Variants in TSC2 observed in about 807,000 individuals in gnomAD.
TSC2 encodes the protein TSC complex subunit 2.
In TSC2, 29 loss-of-function variants were observed where a neutral mutation model predicts 202.2. That is an observed-to-expected ratio of 0.14 (90% CI 0.11 to 0.20). TSC2 has a LOEUF of 0.20. TSC2 is among the 10% of genes least tolerant of loss of function. The pLI is 1.00. For synonymous variants in TSC2, 1,349 were observed against 1,044.0 expected (o/e 1.29, Z -5.63); for missense variants, 2,429 against 2,420.0 (o/e 1.00, Z -0.08).
intron 2 of TSC2, 107 bp downstream of exon 2, chr16:2,048,860 C>A: frequency 6.7e-7 from 1 of 1,495,998 alleles, no homozygotes; most frequent in Non-Finnish European, 9.3e-7. Flanking sequence ...CAACTGTCTA[C>A]ACAGGAATGC....
chr16:2,087,249 A>AC, intron 38 of TSC2: 1 of 365,404 alleles, frequency 2.7e-6, no homozygotes, highest in South Asian at 2.2e-5. Flanking sequence ...AACCAGCGTC[A>AC]CCCTCTTCCT....
intron 10 of TSC2, among the ~76,000 whole-genome samples, chr16:2,059,597 G>A (rs909442777): frequency 4.8e-5 from 7 of 146,746 alleles, no homozygotes; most frequent in African/African-American, 1.5e-4. Context: ...TTGGCTCAGC[G>A]CAACCTCCGC....
rs772343248 is a variant in TSC2 at position 2,055,683 on chromosome 16, G to C, written c.599+164G>C. 5.8e-6 allele frequency: 4 copies of C among 692,862 alleles called. No individual in the cohort carries two copies. In the East Asian group the frequency reaches 1.1e-4, roughly 20 times the overall value. The allele number at this position is 692,862 out of a possible 1,614,324, so 42.9% of individuals were successfully genotyped here. ...CGAGGCAGGCGGATCACGAGGTCAG[G>C]AGTTCGAGACCAGCCTGGCCAACAT... On this transcript the variant is annotated intron_variant, in intron 6 of 41. Coordinates refer to ENST00000219476, the MANE Select transcript of TSC2 (RefSeq NM_000548.5).
intron 16 of TSC2, among the ~76,000 whole-genome samples, chr16:2,067,157 T>C (rs2151230179): frequency 6.6e-6 from 1 of 151,986 alleles, no homozygotes; most frequent in South Asian, 2.1e-4. Flanking sequence ...GTGATGATTT[T>C]TTTTTTTAAT....
At chr16:2,054,463 G>A (rs558088532) in intron 5 of TSC2, 23 bp downstream of exon 5, 2 of 1,613,994 alleles carry the variant, frequency 1.2e-6, no homozygotes, top group Admixed American at 3.3e-5. Context: ...TTGGGTTGGA[G>A]GTTTCTCTGG....
Position 2,079,716 on chromosome 16 carries a change from C to G in TSC2, c.3397+47C>G. Reference sequence around the variant, plus strand: ...CTCCACACAGGCACCGGGGCTCCCTCAGTTGCTGCTGGTCCCAGTGTTCAG... The same window carrying G: ...CTCCACACAGGCACCGGGGCTCCCTGAGTTGCTGCTGGTCCCAGTGTTCAG... On this transcript the variant is annotated intron_variant, in intron 29 of 41. Transcript: ENST00000219476. This position sits in a 1 kb window ranked among gnomAD's most constrained non-coding sequence, Gnocchi z 4.6. The G allele has an allele frequency of 6.5e-7, 1 of 1,530,102 alleles. No individual in the cohort carries two copies. The highest frequency in any genetic ancestry group is 8.8e-7 in the Non-Finnish European group (1 of 1,134,642). The allele number at this position is 1,530,102 out of a possible 1,614,324, so 94.8% of individuals were successfully genotyped here.
rs750003833 is a variant in TSC2 at position 2,079,038 on chromosome 16, A to C, written c.2973A>C (p.Ile991=). The change falls in exon 27 of 42, where the codon ATA becomes ATC. Residue 991 remains isoleucine (I), a synonymous_variant. Transcript: ENST00000219476. The surrounding 1 kb of genome is among the most constrained non-coding windows in gnomAD (Gnocchi z 4.6). ...SVSEHVVRSR[I]QTSLTSASLG... ...TCACGGCCTCTCCCTCCAGCAGGAT[A>C]CAGACGTCCCTCACCAGTGCCAGCT... 10 of 1,612,738 alleles carry C rather than the reference A, an allele frequency of 6.2e-6. No homozygotes were observed. The highest frequency in any genetic ancestry group is 7.6e-6 in the Non-Finnish European group (9 of 1,179,994).
At position 2,076,601 on chromosome 16, in the gene TSC2, G is replaced by T. The variant is rs397515095; in HGVS notation, c.2837+16G>T. 3 of 1,612,508 alleles carry T rather than the reference G, an allele frequency of 1.9e-6. No individual in the cohort carries two copies. The highest frequency in any genetic ancestry group is 2.5e-6 in the Non-Finnish European group (3 of 1,179,614). On this transcript the variant is annotated intron_variant, in intron 25 of 41. Coordinates refer to ENST00000219476, the MANE Select transcript of TSC2 (RefSeq NM_000548.5). Reference sequence around the variant, plus strand: ...GACCCAAGAGGTACGGCCTGCGGGGGTGTGCCTGGAGTCGGTGTGGGGTGG... The same window carrying T: ...GACCCAAGAGGTACGGCCTGCGGGGTTGTGCCTGGAGTCGGTGTGGGGTGG...
At position 2,088,969 on chromosome 16, in the gene TSC2, T is replaced by TGACA. The variant is rs1320154059; in HGVS notation, c.*360_*363dup. The TGACA allele has an allele frequency of 3.2e-6, 1 of 317,408 alleles. No homozygotes were observed. Among genetic ancestry groups the TGACA allele is most frequent in the Non-Finnish European group, 6.0e-6 (1 of 165,996 alleles). The allele number at this position is 317,408 out of a possible 1,614,324, so 19.7% of individuals were successfully genotyped here. A position where few individuals can be genotyped will look rare whatever the true frequency, so the allele number is the denominator to read the frequency against. Reference sequence around the variant, plus strand: ...TTCCTCTAACCACCCTGGGGTCCTCTGACATGCCTAGTCCTGCTACTTGCC... The same window carrying TGACA: ...TTCCTCTAACCACCCTGGGGTCCTCTGACAGACATGCCTAGTCCTGCTACTTGCC... On this transcript the variant is annotated 3_prime_UTR_variant, in exon 42 of 42. Transcript: ENST00000219476.
At chr16:2,065,119 G>GA (rs79069913) in intron 15 of TSC2, 3,280 of 121,716 alleles carry the variant, frequency 0.027, no homozygotes, top group Middle Eastern at 0.062. Flanking sequence ...GTCTCAAAAA[G>GA]AAAAAAAAAA....
At chr16:2,071,969 G>T in intron 19 of TSC2, 35 bp downstream of exon 19, 2 of 1,546,172 alleles carry the variant, frequency 1.3e-6, no homozygotes, top group East Asian at 4.8e-5. Context: ...TCCGTCCCAC[G>T]TTGGGCCAGG....
In TSC2 at chr16:2,057,176, C is replaced by A. The variant is rs587778734; in HGVS notation, c.846C>A (p.Asp282Glu). Residue 282 changes from aspartate (D) to glutamate (E), a missense_variant and splice_region_variant, in exon 9 of 42, where the codon GAC becomes GAA. Physicochemically the swap from Asp to Glu is conservative, Grantham distance 45. Coordinates refer to ENST00000219476, the MANE Select transcript of TSC2 (RefSeq NM_000548.5). ...ACAACATGTGCCACCTCATGGAGGA[C>A]AGGTGAGTGTGGTGGGTGGGGCGCA... Reference protein sequence around the residue: ...AIYNMCHLMEDRAYMEDAPLL... With the variant: ...AIYNMCHLMEERAYMEDAPLL... 1 of 1,551,742 alleles carries A rather than the reference C, an allele frequency of 6.4e-7. No individual in the cohort carries two copies.
chr16:2,072,534 C>T, intron 20 of TSC2, 171 bp downstream of exon 20: 2 of 1,075,908 alleles, frequency 1.9e-6, no homozygotes, highest in Non-Finnish European at 2.6e-6. Context: ...GGAGGGACCC[C>T]TGCCCCAGCT....
At chr16:2,069,627 C>A (rs1194723943) in intron 16 of TSC2, among the ~76,000 whole-genome samples, 1 of 152,130 alleles carries the variant, frequency 6.6e-6, no homozygotes, top group East Asian at 1.9e-4. Context: ...CTACAGGTGC[C>A]CACCACCACG....
At chr16:2,057,736 T>C (rs2151093528) in intron 9 of TSC2, among the ~76,000 whole-genome samples, 1 of 152,232 alleles carries the variant, frequency 6.6e-6, no homozygotes, top group East Asian at 1.9e-4. Context: ...GGATGTAGGC[T>C]TCTCCTATGG....
chr16:2,068,290 C>G (rs144338290), intron 16 of TSC2, among the ~76,000 whole-genome samples: 15 of 152,244 alleles, frequency 9.9e-5, no homozygotes, highest in African/African-American at 3.6e-4. Context: ...TCCACCCACC[C>G]CAGACCCCCA....
intron 26 of TSC2, 89 bp downstream of exon 26, chr16:2,077,815 C>CA: frequency 6.3e-7 from 1 of 1,589,398 alleles, no homozygotes; most frequent in African/African-American, 1.3e-5. Flanking sequence ...CTTGCATGAC[C>CA]TCATCGTCTG....
At position 2,056,254 on chromosome 16, in the gene TSC2, T is replaced by C. The variant is rs2151071693; in HGVS notation, c.648+10T>C. The C allele has an allele frequency of 6.2e-7, 1 of 1,613,876 alleles. No individual in the cohort carries two copies. Among genetic ancestry groups the C allele is most frequent in the Non-Finnish European group, 8.5e-7 (1 of 1,179,986 alleles). On this transcript the variant is annotated intron_variant, in intron 7 of 41. Coordinates refer to ENST00000219476, the MANE Select transcript of TSC2 (RefSeq NM_000548.5). Reference sequence around the variant, plus strand: ...CTCTGTGGACATAGAGGTCAGTGCCTCCCCTCCCCAGGGCCGGCCCATTTC... The same window carrying C: ...CTCTGTGGACATAGAGGTCAGTGCCCCCCCTCCCCAGGGCCGGCCCATTTC...
chr16:2,071,076 G>A (rs1461645175), intron 17 of TSC2, among the ~76,000 whole-genome samples: 1 of 152,210 alleles, frequency 6.6e-6, no homozygotes, highest in Non-Finnish European at 1.5e-5. Context: ...AGAGGTGACT[G>A]GGATGGGAGC....
Sources: gnomAD v4.1 joint callset for allele counts (sites outside exome capture counted in the v4.1 genomes callset) on GRCh38, gnomAD v4.1.1 for gene constraint, Gnocchi (gnomAD v3.1) non-coding constraint, MANE v1.5 for transcripts, NCBI Gene and HGNC (gene_info 2026-07-23, HGNC 2026-07-21) for gene names.